Variants in CEP350 observed in about 807,000 individuals in gnomAD.
The protein encoded by CEP350 is centrosome-associated protein 350.
Under a neutral mutation model 331.8 loss-of-function variants are expected in CEP350, and 126 were observed. The observed-to-expected ratio is 0.38, with a 90% CI of 0.33 to 0.44. CEP350 has a LOEUF of 0.44. Among genes scored for constraint, CEP350 ranks in the 20% least tolerant of loss-of-function variants. The probability of loss-of-function intolerance (pLI) is 1.00; values close to 1 mark genes in which losing one functional copy is unlikely to be tolerated. For synonymous variants in CEP350, 1,200 were observed against 1,259.5 expected (o/e 0.95, Z 1.00); for missense variants, 3,406 against 3,634.6 (o/e 0.94, Z 1.62).
chr1:179,973,299 T>G (rs1651596627), intron 1 of CEP350, among the ~76,000 whole-genome samples: 2 of 152,184 alleles, frequency 1.3e-5, no homozygotes, highest in Admixed American at 1.3e-4. Flanking sequence ...ACACTAACAT[T>G]TTTTGTGAGG....
Position 179,997,093 on chromosome 1 carries a change from A to C in CEP350, c.936A>C (p.Pro312=). ...RGQKLGHIDH[P]VMVVNVDNSV... is the part of the protein sequence containing the mutation. Reference sequence around the variant, plus strand: ...AGAAGCTGGGTCATATTGACCATCCAGTAATGGTTGTTAATGTTGATAACT... The same window carrying C: ...AGAAGCTGGGTCATATTGACCATCCCGTAATGGTTGTTAATGTTGATAACT... Residue 312 remains proline (P), a synonymous_variant, in exon 6 of 38, where the codon CCA becomes CCC. Coordinates refer to ENST00000367607, the MANE Select transcript of CEP350 (RefSeq NM_014810.5). 6 of 1,614,032 alleles carry C rather than the reference A, an allele frequency of 3.7e-6. No homozygotes were observed. The highest frequency in any genetic ancestry group is 5.1e-6 in the Non-Finnish European group (6 of 1,179,862).
chr1:180,099,141 G>A (rs1188459973), intron 37 of CEP350, among the ~76,000 whole-genome samples, 156 bp downstream of exon 37: 10 of 152,082 alleles, frequency 6.6e-5, no homozygotes, highest in Admixed American at 6.6e-4. Flanking sequence ...CCTCAGTTTT[G>A]TTAACTATTT....
intron 36 of CEP350, among the ~76,000 whole-genome samples, chr1:180,096,781 A>G (rs952656423): frequency 6.6e-6 from 1 of 152,270 alleles, no homozygotes; most frequent in Non-Finnish European, 1.5e-5. Context: ...CTTTAAAGTC[A>G]CATTGCTGGC....
chr1:180,027,106 C>A (rs534539846), intron 14 of CEP350, among the ~76,000 whole-genome samples: 99 of 152,300 alleles, frequency 6.5e-4, no homozygotes, highest in Middle Eastern at 6.8e-3. Context: ...TACATTTATG[C>A]CAGCACTTTA....
chr1:180,109,745 C>T (rs1377807731), intron 37 of CEP350, among the ~76,000 whole-genome samples: 1 of 152,204 alleles, frequency 6.6e-6, no homozygotes, highest in Non-Finnish European at 1.5e-5. Context: ...AAGCGATTCT[C>T]CTGCCTCAGC....
rs1425228037 is a variant in CEP350, at chr1:180,065,224, G to A, written c.5519G>A (p.Ser1840Asn). 1 of 1,612,894 alleles carries A rather than the reference G, an allele frequency of 6.2e-7. No homozygotes were observed. The highest frequency in any genetic ancestry group is 8.5e-7 in the Non-Finnish European group (1 of 1,179,678). The change falls in exon 27 of 38, where the codon AGC becomes AAC. Residue 1840 changes from serine to asparagine, a missense_variant. This residue lies in a region of CEP350 where 1,415 missense variants were observed against 1,512.3 expected (regional missense o/e 0.94). Coordinates refer to ENST00000367607, the MANE Select transcript of CEP350 (RefSeq NM_014810.5). Reference protein sequence around the residue: ...SPISISSSETSSIMQKLKKMR... With the variant: ...SPISISSSETNSIMQKLKKMR... ...ATTTCAATCTCCAGCAGTGAAACTA[G>A]CAGCATTATGCAGAAACTGAAGAAA...
At position 180,014,313 on chromosome 1, in the gene CEP350, G is replaced by T. The variant is rs1284869172; in HGVS notation, c.1860G>T (p.Glu620Asp). ...ATGAAGAGAAGAAGGCTCAAAAGGA[G>T]GCTACAGAACAGAAAAACAAACGAT... ...KQNEEKKAQK[E>D]ATEQKNKRLQ... Residue 620 changes from glutamate (E) to aspartate (D), a missense_variant, in exon 10 of 38, where the codon GAG (glutamate) becomes GAT (aspartate). This residue lies in a region of CEP350 where 1,857 missense variants were observed against 1,909.2 expected (regional missense o/e 0.97). Transcript: ENST00000367607. The T allele has an allele frequency of 4.4e-6, 7 of 1,591,916 alleles. No individual in the cohort carries two copies. Among genetic ancestry groups the T allele is most frequent in the East Asian group, 2.3e-5 (1 of 44,252 alleles).
chr1:180,030,720 A>G (rs1323397680), intron 14 of CEP350, among the ~76,000 whole-genome samples: 2 of 152,092 alleles, frequency 1.3e-5, no homozygotes, highest in Admixed American at 1.3e-4. Context: ...TCAGGTTACT[A>G]TTATCTATGT....
At chr1:180,098,834 T>G in intron 36 of CEP350, 29 bp from the exon 37 acceptor site, 1 of 1,598,078 alleles carries the variant, frequency 6.3e-7, no homozygotes. Flanking sequence ...CTGTTGTTTG[T>G]GTTTCGTGTA....
chr1:180,053,012 A>C lies in CEP350; in HGVS notation c.4835A>C (p.Glu1612Ala). Reference sequence around the variant, plus strand: ...ACAGAATATTCTCTGAAATTTGATGAATCCATGACAGAAGATGAAATAGAA... The same window carrying C: ...ACAGAATATTCTCTGAAATTTGATGCATCCATGACAGAAGATGAAATAGAA... ...IATEYSLKFD[E>A]SMTEDEIEEQ... Residue 1612 changes from glutamate (E) to alanine (A), a missense_variant, in exon 23 of 38, where the codon GAA (glutamate) becomes GCA (alanine). Coordinates refer to ENST00000367607, the MANE Select transcript of CEP350 (RefSeq NM_014810.5). 1 of 1,474,128 alleles carries C rather than the reference A, an allele frequency of 6.8e-7. No individual in the cohort carries two copies. The highest frequency in any genetic ancestry group is 9.4e-7 in the Non-Finnish European group (1 of 1,062,348). 91.3% of individuals were successfully genotyped at this position (1,474,128 alleles called of 1,614,324 possible).
intron 8 of CEP350, among the ~76,000 whole-genome samples, chr1:180,010,433 A>G (rs1192797357): frequency 6.9e-6 from 1 of 144,014 alleles, no homozygotes; most frequent in Non-Finnish European, 1.5e-5. Context: ...TAAAGAAACT[A>G]TACCCACTTA....
intron 1 of CEP350, among the ~76,000 whole-genome samples, chr1:179,960,081 T>C (rs540056461): frequency 6.6e-6 from 1 of 152,294 alleles, no homozygotes; most frequent in African/African-American, 2.4e-5. Flanking sequence ...TACCCACTTA[T>C]TTCAGTTCAG....
At position 180,098,945 on chromosome 1, in the gene CEP350, A is replaced by C. The variant is rs1318736079; in HGVS notation, c.9149A>C (p.Lys3050Thr). 1.2e-6 allele frequency: 2 copies of C among 1,613,710 alleles called. No homozygotes were observed. Among genetic ancestry groups the C allele is most frequent in the East Asian group, 2.2e-5 (1 of 44,828 alleles). ...NHKTDWQKMM[K>T]FGRKKRDRVD... The stretch of plus-strand genomic sequence containing the variant: ...AAAACAGATTGGCAGAAAATGATGA[A>C]ATTTGGAAGAAAGAAAAGAGACCGA... The change falls in exon 37 of 38, where the codon AAA becomes ACA. Residue 3050 changes from lysine (K) to threonine (T), a missense_variant. Transcript: ENST00000367607.
chr1:180,062,279 T>C lies in CEP350; in HGVS notation c.5322T>C (p.Ile1774=), dbSNP rs1658272716. 2.5e-6 allele frequency: 4 copies of C among 1,610,918 alleles called. No homozygotes were observed. The highest frequency in any genetic ancestry group is 1.3e-5 in the African/African-American group (1 of 74,850). The change falls in exon 26 of 38, where the codon ATT becomes ATC. Residue 1774 remains isoleucine, a synonymous_variant. Transcript: ENST00000367607. ...CAGCTCGGAAGGAAAGACAGCTGATTCTTAAACAGCAGGAGGAGATAGAAA... is the reference window on the plus strand; with the variant it reads ...CAGCTCGGAAGGAAAGACAGCTGATCCTTAAACAGCAGGAGGAGATAGAAA... ...NKAARKERQL[I]LKQQEEIEKI... is the part of the protein sequence containing the mutation.
At position 180,095,906 on chromosome 1, in the gene CEP350, C is replaced by A. The variant is rs776118922; in HGVS notation, c.8895C>A (p.Ser2965Arg). Residue 2965 changes from serine to arginine, a missense_variant, in exon 35 of 38, where the codon AGC becomes AGA. This residue lies in a region of CEP350 where 1,415 missense variants were observed against 1,512.3 expected (regional missense o/e 0.94). Coordinates refer to ENST00000367607, the MANE Select transcript of CEP350 (RefSeq NM_014810.5). ...CCAGTAAAGGTCTAGATATAGAAAGCACTAGTAAAAGGGTCTACAAACAGG... is the reference window on the plus strand; with the variant it reads ...CCAGTAAAGGTCTAGATATAGAAAGAACTAGTAAAAGGGTCTACAAACAGG... ...GCASKGLDIE[S>R]TSKRVYKQAV... The A allele has an allele frequency of 8.7e-6, 14 of 1,604,620 alleles. No homozygotes were observed. In the Admixed American group the frequency reaches 2.4e-4, roughly 28 times the overall value.
At chr1:180,065,400 A>AT (rs1658490432) in intron 27 of CEP350, 128 bp downstream of exon 27, 2 of 912,956 alleles carry the variant, frequency 2.2e-6, no homozygotes, top group Non-Finnish European at 3.1e-6. Flanking sequence ...GCATTTTAGC[A>AT]GAATTGTTAG....
At chr1:179,970,147 CTT>C (rs1415238835) in intron 1 of CEP350, among the ~76,000 whole-genome samples, 1 of 152,144 alleles carries the variant, frequency 6.6e-6, no homozygotes, top group Non-Finnish European at 1.5e-5. Flanking sequence ...AAGTTTAGCT[CTT>C]TATTTCATCA....
intron 1 of CEP350, among the ~76,000 whole-genome samples, chr1:179,976,543 A>G (rs1039163007): frequency 1.3e-5 from 2 of 151,972 alleles, no homozygotes; most frequent in African/African-American, 2.4e-5. Context: ...TGTCCCAGCT[A>G]CTTGGGAGGC....
At chr1:179,984,216 CTTG>C (rs1364003036) in intron 1 of CEP350, among the ~76,000 whole-genome samples, 2 of 152,174 alleles carry the variant, frequency 1.3e-5, no homozygotes, top group Non-Finnish European at 2.9e-5. Flanking sequence ...TTGGTTATCT[CTTG>C]TTGTCTAACT....
Sources: allele counts gnomAD v4.1 joint callset (sites outside exome capture counted in the v4.1 genomes callset), GRCh38; gene constraint gnomAD v4.1.1; regional missense constraint gnomAD v4.1.1; transcripts MANE v1.5; gene names NCBI Gene and HGNC (gene_info 2026-07-23, HGNC 2026-07-21).